Variants in PRKG1 observed in about 807,000 individuals in gnomAD.
The protein encoded by PRKG1 is protein kinase cGMP-dependent 1, also known as cGMP-dependent protein kinase 1.
In PRKG1, 35 loss-of-function variants were observed where a neutral mutation model predicts 88.1. The ratio of observed to expected loss-of-function variants is 0.40; its 90% CI spans 0.30 to 0.53. The LOEUF is 0.53. PRKG1 is among the 20% of genes least tolerant of loss of function. The pLI, the probability that PRKG1 is intolerant of heterozygous loss-of-function variation, is 0.59. For synonymous variants in PRKG1, 303 were observed against 292.5 expected (o/e 1.04, Z -0.37); for missense variants, 540 against 839.8 (o/e 0.64, Z 4.41).
chr10:51,107,601 C>T (rs998263899), intron 1 of PRKG1, among the ~76,000 whole-genome samples: 1 of 151,744 alleles, frequency 6.6e-6, no homozygotes, highest in Non-Finnish European at 1.5e-5. Flanking sequence ...CTTTGGGAGG[C>T]CAAGGCAGGA....
chr10:51,739,801 G>C (rs368497128), intron 3 of PRKG1, among the ~76,000 whole-genome samples: 2 of 151,994 alleles, frequency 1.3e-5, no homozygotes, highest in South Asian at 2.1e-4. Flanking sequence ...GTGAAACCCT[G>C]TCTCTATTAA....
At chr10:52,002,095 C>G (rs1375436163) in intron 5 of PRKG1, among the ~76,000 whole-genome samples, 1 of 152,118 alleles carries the variant, frequency 6.6e-6, no homozygotes, top group Non-Finnish European at 1.5e-5. Context: ...AAATATTATT[C>G]TTTCTACATT....
chr10:52,080,253 G>GTGGATTTT (rs1178380609), intron 7 of PRKG1, among the ~76,000 whole-genome samples: 2 of 151,940 alleles, frequency 1.3e-5, no homozygotes, highest in African/African-American at 2.4e-5. Flanking sequence ...CCACTTATAA[G>GTGGATTTT]GTCCTGCTCA....
chr10:51,288,989 A>G (rs542926024), intron 2 of PRKG1, among the ~76,000 whole-genome samples: 17 of 152,310 alleles, frequency 1.1e-4, no homozygotes, highest in African/African-American at 4.1e-4. Flanking sequence ...ATAGATTTGC[A>G]TGTTTAATTA....
intron 1 of PRKG1, among the ~76,000 whole-genome samples, chr10:51,006,209 A>G (rs904570241): frequency 2.6e-5 from 4 of 152,208 alleles, no homozygotes; most frequent in South Asian, 4.1e-4. Context: ...AGTTGGATCT[A>G]TCAGTCAATC....
chr10:51,031,499 A>C (rs1209234073), intron 1 of PRKG1, among the ~76,000 whole-genome samples: 1 of 152,178 alleles, frequency 6.6e-6, no homozygotes, highest in Admixed American at 6.5e-5. Context: ...ATCTAGACCC[A>C]AGGATTGGAG....
At chr10:51,077,038 A>G (rs1256524241) in intron 1 of PRKG1, among the ~76,000 whole-genome samples, 1 of 152,210 alleles carries the variant, frequency 6.6e-6, no homozygotes, top group Non-Finnish European at 1.5e-5. Flanking sequence ...TTACATAAAG[A>G]AAACTAGAAA....
intron 3 of PRKG1, among the ~76,000 whole-genome samples, chr10:51,709,839 G>A (rs769632760): frequency 6.6e-6 from 1 of 152,158 alleles, no homozygotes; most frequent in Non-Finnish European, 1.5e-5. Flanking sequence ...TCTGCAAATG[G>A]GGAGGCAGAG....
At chr10:51,688,438 G>T (rs935883441) in intron 3 of PRKG1, among the ~76,000 whole-genome samples, 2 of 152,160 alleles carry the variant, frequency 1.3e-5, no homozygotes, top group Non-Finnish European at 2.9e-5. Flanking sequence ...AGGTTAAAGG[G>T]AGACAACTAT....
At chr10:52,050,511 C>T (rs989991556) in intron 5 of PRKG1, among the ~76,000 whole-genome samples, 1 of 152,180 alleles carries the variant, frequency 6.6e-6, no homozygotes, top group Non-Finnish European at 1.5e-5. Context: ...AAAGAATCAG[C>T]ATGCAAGATC....
At chr10:52,221,421 A>C (rs1840241678) in intron 9 of PRKG1, among the ~76,000 whole-genome samples, 1 of 152,224 alleles carries the variant, frequency 6.6e-6, no homozygotes, top group Non-Finnish European at 1.5e-5. Context: ...AAACTAAGTC[A>C]ACACGTCTTT....
At chr10:51,817,947 A>G (rs1453405650) in intron 4 of PRKG1, among the ~76,000 whole-genome samples, 1 of 152,200 alleles carries the variant, frequency 6.6e-6, no homozygotes, top group African/African-American at 2.4e-5. Flanking sequence ...TGTATAAACA[A>G]CAAGTAATCA....
chr10:51,958,380 A>G (rs1298721459), intron 5 of PRKG1, among the ~76,000 whole-genome samples: 1 of 152,116 alleles, frequency 6.6e-6, no homozygotes, highest in Non-Finnish European at 1.5e-5. Context: ...AACGAAGTTG[A>G]TATGTTAGTG....
chr10:51,888,068 A>G lies in PRKG1; in HGVS notation c.699-19439A>G, dbSNP rs115394148. Among the ~76,000 whole-genome samples the G allele has an allele frequency of 4.4e-3, 664 of 152,322 alleles. 8 individuals carry two copies. The highest frequency in any genetic ancestry group is 0.015 in the African/African-American group (627 of 41,574). On this transcript the variant is annotated intron_variant, in intron 4 of 17. Coordinates refer to ENST00000373980, the MANE Select transcript of PRKG1 (RefSeq NM_006258.4). ...AAGCAAACAAAAAACACACAAAAGA[A>G]CACAAATAAATTATTGGAGGTGACT...
chr10:52,111,029 C>T (rs1847551447), intron 7 of PRKG1, among the ~76,000 whole-genome samples: 3 of 152,154 alleles, frequency 2.0e-5, no homozygotes. Flanking sequence ...CTCATTGAAT[C>T]TTATCTCTCT....
At chr10:51,546,802 G>C (rs375230786) in intron 3 of PRKG1, among the ~76,000 whole-genome samples, 1 of 151,972 alleles carries the variant, frequency 6.6e-6, no homozygotes, top group Admixed American at 6.6e-5. Context: ...GGCTAGAAAG[G>C]CTTCATGGGC....
At chr10:52,220,989 A>G (rs974971594) in intron 9 of PRKG1, among the ~76,000 whole-genome samples, 1 of 152,080 alleles carries the variant, frequency 6.6e-6, no homozygotes, top group Non-Finnish European at 1.5e-5. Context: ...GCTTTCCTCA[A>G]TGGCTGAACT....
At chr10:51,387,852 A>G (rs1257584149) in intron 2 of PRKG1, among the ~76,000 whole-genome samples, 1 of 152,168 alleles carries the variant, frequency 6.6e-6, no homozygotes, top group Non-Finnish European at 1.5e-5. Context: ...CTGGTTTTCT[A>G]AAAGTGACTG....
intron 7 of PRKG1, among the ~76,000 whole-genome samples, chr10:52,108,408 C>T (rs1011043543): frequency 1.3e-5 from 2 of 152,076 alleles, no homozygotes; most frequent in African/African-American, 4.8e-5. Context: ...GTGATGTACA[C>T]CATGATGACA....
Sources: gnomAD v4.1 joint callset for allele counts (sites outside exome capture counted in the v4.1 genomes callset) on GRCh38, gnomAD v4.1.1 for gene constraint, MANE v1.5 for transcripts, NCBI Gene and HGNC (gene_info 2026-07-23, HGNC 2026-07-21) for gene names.